PTPRT: variants seen among roughly 807,000 people sequenced by gnomAD.
PTPRT encodes the protein protein tyrosine phosphatase receptor type T, also known as receptor-type tyrosine-protein phosphatase T.
Under a neutral mutation model 176.8 loss-of-function variants are expected in PTPRT, and 56 were observed. That is an observed-to-expected ratio of 0.32 (90% CI 0.26 to 0.40). The LOEUF (loss-of-function observed/expected upper bound fraction) is 0.40, where lower values mean the gene tolerates loss of function less well. Among genes scored for constraint, PTPRT ranks in the 10% least tolerant of loss-of-function variants. The pLI is 1.00. For synonymous variants in PTPRT, 783 were observed against 739.0 expected (o/e 1.06, Z -0.96); for missense variants, 1,540 against 1,908.2 (o/e 0.81, Z 3.60).
chr20:43,085,687 A>G (rs925304143), intron 1 of PTPRT, among the ~76,000 whole-genome samples: 1 of 152,120 alleles, frequency 6.6e-6, no homozygotes, highest in South Asian at 2.1e-4. Context: ...AGACTTATCG[A>G]CTATCACAAG....
intron 1 of PTPRT, among the ~76,000 whole-genome samples, chr20:42,955,957 C>G (rs761542476): frequency 1.3e-5 from 2 of 152,278 alleles, no homozygotes; most frequent in Middle Eastern, 3.4e-3. Context: ...CTTGGGCACA[C>G]GGCAGTGTGG....
intron 6 of PTPRT, among the ~76,000 whole-genome samples, chr20:42,700,411 G>A (rs536156869): frequency 6.6e-6 from 1 of 150,488 alleles, no homozygotes; most frequent in South Asian, 2.1e-4. Flanking sequence ...CATGGCTTAG[G>A]AAACAGACGC....
At chr20:42,756,433 C>A (rs375599174) in intron 6 of PTPRT, 29 bp downstream of exon 6, 69 of 1,497,618 alleles carry the variant, frequency 4.6e-5, no homozygotes, top group Middle Eastern at 3.8e-4. Context: ...CCTTCCATGG[C>A]AGTAGAGGCG....
intron 9 of PTPRT, among the ~76,000 whole-genome samples, chr20:42,377,476 C>T (rs77924382): frequency 0.083 from 12,675 of 152,286 alleles, 546 homozygotes; most frequent in Middle Eastern, 0.14. Context: ...AAACTGAACT[C>T]TGATTCAGTA....
chr20:42,794,139 T>C (rs1436586935), intron 2 of PTPRT, among the ~76,000 whole-genome samples: 2 of 152,196 alleles, frequency 1.3e-5, no homozygotes, highest in African/African-American at 4.8e-5. Context: ...CCCTGTTCCA[T>C]GTAGCTTCAT....
At chr20:42,341,902 T>C (rs2058116757) in intron 11 of PTPRT, among the ~76,000 whole-genome samples, 1 of 152,178 alleles carries the variant, frequency 6.6e-6, no homozygotes, top group Non-Finnish European at 1.5e-5. Context: ...AACACCTGTT[T>C]TTCCTCCTTG....
intron 19 of PTPRT, among the ~76,000 whole-genome samples, 164 bp downstream of exon 19, chr20:42,128,590 G>A (rs533991551): frequency 6.6e-6 from 1 of 152,310 alleles, no homozygotes; most frequent in Admixed American, 6.5e-5. Flanking sequence ...GAAAGTGGAT[G>A]CAGTGGTAGA....
At chr20:42,611,944 G>T (rs770308146) in intron 7 of PTPRT, among the ~76,000 whole-genome samples, 1 of 152,080 alleles carries the variant, frequency 6.6e-6, no homozygotes, top group Non-Finnish European at 1.5e-5. Flanking sequence ...AGACTTCCAG[G>T]AAATCTCCCT....
chr20:43,096,796 G>A (rs1488977408), intron 1 of PTPRT, among the ~76,000 whole-genome samples: 2 of 152,200 alleles, frequency 1.3e-5, no homozygotes, highest in African/African-American at 4.8e-5. Flanking sequence ...GGGGACAGAG[G>A]AGGCCCCTGA....
intron 9 of PTPRT, among the ~76,000 whole-genome samples, chr20:42,372,505 G>A (rs1250484976): frequency 1.3e-5 from 2 of 151,934 alleles, no homozygotes; most frequent in Admixed American, 1.3e-4. Context: ...GGCTGGTCTT[G>A]AACTTCTGGC....
intron 6 of PTPRT, among the ~76,000 whole-genome samples, chr20:42,690,107 A>T (rs1569086649): frequency 6.6e-6 from 1 of 152,118 alleles, no homozygotes; most frequent in Non-Finnish European, 1.5e-5. Flanking sequence ...GGGGTTATTC[A>T]CAAAGACAAG....
At chr20:43,181,376 G>A (rs967196542) in intron 1 of PTPRT, among the ~76,000 whole-genome samples, 27 of 152,146 alleles carry the variant, frequency 1.8e-4, no homozygotes, top group Admixed American at 1.3e-4. Flanking sequence ...CAGGAGTTGG[G>A]CCTACTTTTC....
intron 7 of PTPRT, among the ~76,000 whole-genome samples, chr20:42,581,744 G>A (rs1335348779): frequency 1.3e-5 from 2 of 152,114 alleles, no homozygotes; most frequent in African/African-American, 2.4e-5. Context: ...CCTTTAAGTA[G>A]GAAAAGGAAA....
At chr20:42,274,575 G>GTA (rs1180774010) in intron 13 of PTPRT, among the ~76,000 whole-genome samples, 1 of 140,604 alleles carries the variant, frequency 7.1e-6, no homozygotes, top group African/African-American at 2.7e-5. Context: ...GTGTGTGTGT[G>GTA]TGTGTGTGTG....
intron 1 of PTPRT, among the ~76,000 whole-genome samples, chr20:43,148,111 T>C (rs762206968): frequency 1.3e-5 from 2 of 152,188 alleles, no homozygotes; most frequent in Admixed American, 6.5e-5. Flanking sequence ...TACCCTGGGC[T>C]GGTTGGGTGG....
At chr20:42,729,209 C>T (rs2076424380) in intron 6 of PTPRT, among the ~76,000 whole-genome samples, 2 of 152,282 alleles carry the variant, frequency 1.3e-5, no homozygotes, top group African/African-American at 2.4e-5. Context: ...CCACCCTGAA[C>T]TAAAAATGCT....
Position 42,199,322 on chromosome 20 carries a change from A to C in PTPRT, c.2409T>G (p.Ser803=). 1 of 1,614,196 alleles carries C rather than the reference A, an allele frequency of 6.2e-7. No individual in the cohort carries two copies. The highest frequency in any genetic ancestry group is 1.1e-5 in the South Asian group (1 of 91,076). The change falls in exon 16 of 31, where the codon TCT becomes TCG. Residue 803 remains serine (S), a synonymous_variant. Coordinates refer to ENST00000373187, the MANE Select transcript of PTPRT (RefSeq NM_007050.6). ...GAQREMGPVA[S]ADKPTTKLSA... Reference sequence around the variant, plus strand: ...TGAGCTTGGTGGTGGGTTTGTCGGCAGAGGCCACAGGCCCCATCTCCCTCT... The same window carrying C: ...TGAGCTTGGTGGTGGGTTTGTCGGCCGAGGCCACAGGCCCCATCTCCCTCT...
intron 1 of PTPRT, among the ~76,000 whole-genome samples, chr20:43,165,854 T>C (rs1408799333): frequency 6.6e-6 from 1 of 152,142 alleles, no homozygotes; most frequent in African/African-American, 2.4e-5. Context: ...TGGAACACTA[T>C]CCTCTTGATC....
intron 7 of PTPRT, among the ~76,000 whole-genome samples, chr20:42,639,072 C>G (rs2074676146): frequency 6.6e-6 from 1 of 151,402 alleles, no homozygotes; most frequent in Non-Finnish European, 1.5e-5. Context: ...ATTAATGTCT[C>G]CAATAGAAGG....
Sources: gnomAD v4.1 joint callset for allele counts (sites outside exome capture counted in the v4.1 genomes callset) on GRCh38, gnomAD v4.1.1 for gene constraint, MANE v1.5 for transcripts, NCBI Gene and HGNC (gene_info 2026-07-23, HGNC 2026-07-21) for gene names.